SMPD3: variants seen among roughly 807,000 people sequenced by gnomAD.
SMPD3 encodes the protein nSMase-2.
SMPD3 carries 21 observed loss-of-function variants against 55.7 expected under a neutral mutation model. The ratio of observed to expected loss-of-function variants is 0.38; its 90% CI spans 0.27 to 0.54. SMPD3 has a LOEUF of 0.54. Ranked by LOEUF, SMPD3 falls within the 20% of genes least tolerant of loss-of-function variation. The pLI is 0.80. For missense variants in SMPD3, 842 were observed against 899.6 expected (o/e 0.94, Z 0.82); for synonymous variants, 457 against 404.3 (o/e 1.13, Z -1.56).
chr16:68,402,980 C>G (rs2090224378), intron 1 of SMPD3, among the ~76,000 whole-genome samples: 1 of 152,228 alleles, frequency 6.6e-6, no homozygotes, highest in South Asian at 2.1e-4. Context: ...ATGAGCTAGT[C>G]TTGTATGGAG....
chr16:68,410,047 CG>C (rs1177980900), intron 1 of SMPD3, among the ~76,000 whole-genome samples: 1 of 152,216 alleles, frequency 6.6e-6, no homozygotes, highest in Admixed American at 6.5e-5. Flanking sequence ...CTGACCCTAA[CG>C]AGGCAGAGAT....
chr16:68,370,580 T>G (rs1174852548), intron 3 of SMPD3, among the ~76,000 whole-genome samples: 1 of 147,268 alleles, frequency 6.8e-6, no homozygotes, highest in African/African-American at 2.6e-5. Context: ...CACTTTACAG[T>G]TGGGGAAATG....
At chr16:68,399,171 T>C (rs572795941) in intron 1 of SMPD3, among the ~76,000 whole-genome samples, 1 of 152,282 alleles carries the variant, frequency 6.6e-6, no homozygotes, top group Admixed American at 6.5e-5. Context: ...CCAGAAAATG[T>C]CCCTGTGGGT....
In SMPD3 at chr16:68,404,035, T is replaced by C. The variant is rs962002027; in HGVS notation, c.-268-17376A>G. Among the ~76,000 whole-genome samples, 2 of 152,180 alleles carry C rather than the reference T, an allele frequency of 1.3e-5. No homozygotes were observed. The highest frequency in any genetic ancestry group is 3.4e-3 in the Middle Eastern group (1 of 294). Reference sequence around the variant, plus strand: ...TGTTTCTCTGTTTTCTTTTTTTCTTTCTTTCTTTATTCTTTGACAGGGTCT... The same window carrying C: ...TGTTTCTCTGTTTTCTTTTTTTCTTCCTTTCTTTATTCTTTGACAGGGTCT... On this transcript the variant is annotated intron_variant, in intron 1 of 8. Transcript: ENST00000219334. The surrounding 1 kb of genome is among the most constrained non-coding windows in gnomAD (Gnocchi z 4.0).
chr16:68,426,484 A>G (rs978333051), intron 1 of SMPD3, among the ~76,000 whole-genome samples: 9 of 152,190 alleles, frequency 5.9e-5, no homozygotes, highest in African/African-American at 2.2e-4. Context: ...CTGACCTAGT[A>G]GCTTGTCCCT....
At chr16:68,422,870 T>C (rs1306954116) in intron 1 of SMPD3, among the ~76,000 whole-genome samples, 1 of 152,122 alleles carries the variant, frequency 6.6e-6, no homozygotes, top group Non-Finnish European at 1.5e-5. Flanking sequence ...ATCTCTGAGG[T>C]CCTTTTCAGC....
intron 1 of SMPD3, among the ~76,000 whole-genome samples, chr16:68,405,545 C>CAAAAAAAAAAAAAAAAAAAAAAAAA (rs67518521): frequency 8.2e-5 from 6 of 72,982 alleles, no homozygotes; most frequent in Non-Finnish European, 1.1e-4. Flanking sequence ...GACCCTGTCT[C>CAAAAAAAAAAAAAAAAAAAAAAAAA]AAAAAAAAAA....
rs2089683442 is a variant in SMPD3, at chr16:68,371,971, G to C, written c.211C>G (p.Leu71Val). 1 of 1,612,428 alleles carries C rather than the reference G, an allele frequency of 6.2e-7. No individual in the cohort carries two copies. The highest frequency in any genetic ancestry group is 8.5e-7 in the Non-Finnish European group (1 of 1,179,632). ...AACGCAAAGGGCAGCGAGGCCACCAGGAGGGCCAGGTAGATGGGCGTGAAG... is the reference window on the plus strand; with the variant it reads ...AACGCAAAGGGCAGCGAGGCCACCACGAGGGCCAGGTAGATGGGCGTGAAG... ...ALFTPIYLAL[L>V]VASLPFAFLG... The change falls in exon 3 of 9, where the codon CTG (leucine) becomes GTG (valine). Residue 71 changes from leucine to valine, a missense_variant. Leu to Val is a conservative substitution (Grantham distance 32). This residue lies in a region of SMPD3 where 193 missense variants were observed against 256.0 expected (regional missense o/e 0.75). Coordinates refer to ENST00000219334, the MANE Select transcript of SMPD3 (RefSeq NM_018667.4).
intron 1 of SMPD3, among the ~76,000 whole-genome samples, chr16:68,436,349 TGTGTGTGTG>T (rs1407661114): frequency 1.3e-5 from 2 of 152,108 alleles, no homozygotes; most frequent in African/African-American, 4.8e-5. Flanking sequence ...AGCGTGCATG[TGTGTGTGTG>T]GTGTGTGTTC....
chr16:68,375,238 A>C (rs1311815298), intron 2 of SMPD3, among the ~76,000 whole-genome samples: 1 of 142,856 alleles, frequency 7.0e-6, no homozygotes, highest in Non-Finnish European at 1.5e-5. Context: ...CTTGGGGGAC[A>C]AAGTCCAGTC....
At chr16:68,413,113 T>C (rs780645026) in intron 1 of SMPD3, among the ~76,000 whole-genome samples, 5 of 152,242 alleles carry the variant, frequency 3.3e-5, no homozygotes, top group Non-Finnish European at 7.3e-5. Context: ...GAATGCCTGC[T>C]CTTTGACACC....
intron 1 of SMPD3, among the ~76,000 whole-genome samples, chr16:68,435,737 C>T (rs1052736786): frequency 6.6e-5 from 10 of 152,196 alleles, no homozygotes; most frequent in African/African-American, 1.7e-4. Flanking sequence ...CTGCCTGACT[C>T]GGACAAAGCT....
At chr16:68,410,222 A>G (rs907145748) in intron 1 of SMPD3, among the ~76,000 whole-genome samples, 6 of 152,160 alleles carry the variant, frequency 3.9e-5, no homozygotes, top group Non-Finnish European at 8.8e-5. Context: ...CTGGTGTCAC[A>G]AACTGTGGTT....
Position 68,371,124 on chromosome 16 carries a change from A to G in SMPD3, c.1058T>C (p.Phe353Ser). 1.2e-6 allele frequency: 2 copies of G among 1,613,888 alleles called. No individual in the cohort carries two copies. The highest frequency in any genetic ancestry group is 1.7e-6 in the Non-Finnish European group (2 of 1,180,008). Reference sequence around the variant, plus strand: ...GCACAGGAAGTCCAGGTTGGCGGGGAAGAAGGCGGAGACCTCATGGTCGAA... The same window carrying G: ...GCACAGGAAGTCCAGGTTGGCGGGGGAGAAGGCGGAGACCTCATGGTCGAA... ...EAFDHEVSAF[F>S]PANLDFLCLQ... Residue 353 changes from phenylalanine to serine, a missense_variant, in exon 3 of 9, where the codon TTC (phenylalanine) becomes TCC (serine). By Grantham distance (155) the Phe-to-Ser change is radical (BLOSUM62 -2). This residue lies in a region of SMPD3 where 649 missense variants were observed against 643.6 expected (regional missense o/e 1.01). Coordinates refer to ENST00000219334, the MANE Select transcript of SMPD3 (RefSeq NM_018667.4).
intron 7 of SMPD3, among the ~76,000 whole-genome samples, chr16:68,362,485 G>A (rs973953241): frequency 2.0e-5 from 3 of 152,196 alleles, no homozygotes; most frequent in African/African-American, 4.8e-5. Context: ...TGTCCCCTGG[G>A]GCCTCAGCAC....
chr16:68,395,768 G>A (rs1480512953), intron 1 of SMPD3, among the ~76,000 whole-genome samples: 2 of 152,350 alleles, frequency 1.3e-5, no homozygotes, highest in Non-Finnish European at 1.5e-5. Flanking sequence ...GAGACTATGT[G>A]TATAGGTAAT....
At chr16:68,375,697 C>G (rs2089794434) in intron 2 of SMPD3, among the ~76,000 whole-genome samples, 1 of 152,232 alleles carries the variant, frequency 6.6e-6, no homozygotes, top group Non-Finnish European at 1.5e-5. Flanking sequence ...GGGCCAGCTT[C>G]CCATGGCCCT....
At chr16:68,385,537 C>A (rs1261458155) in intron 2 of SMPD3, among the ~76,000 whole-genome samples, 8 of 152,176 alleles carry the variant, frequency 5.3e-5, no homozygotes, top group African/African-American at 1.9e-4. Context: ...CTGGTCTCAT[C>A]TATTTCCCCT....
intron 1 of SMPD3, among the ~76,000 whole-genome samples, chr16:68,396,102 C>G (rs1028627171): frequency 6.6e-6 from 1 of 152,296 alleles, no homozygotes; most frequent in African/African-American, 2.4e-5. Context: ...CCAATTACTC[C>G]TAGTTCTTGA....
Sources: gnomAD v4.1 joint callset for allele counts (sites outside exome capture counted in the v4.1 genomes callset) on GRCh38, gnomAD v4.1.1 for gene constraint, gnomAD v4.1.1 regional missense constraint, Gnocchi (gnomAD v3.1) non-coding constraint, MANE v1.5 for transcripts, NCBI Gene and HGNC (gene_info 2026-07-23, HGNC 2026-07-21) for gene names.